Variants in NAV3 observed in about 807,000 individuals in gnomAD.
NAV3 encodes pore membrane and/or filament interacting like protein 1.
In NAV3, 87 loss-of-function variants were observed where a neutral mutation model predicts 244.7. The ratio of observed to expected loss-of-function variants is 0.36; its 90% CI spans 0.30 to 0.42. The LOEUF (loss-of-function observed/expected upper bound fraction) is 0.42, where lower values mean the gene tolerates loss of function less well. Ranked by LOEUF, NAV3 falls within the 20% of genes least tolerant of loss-of-function variation. The probability of loss-of-function intolerance (pLI) is 1.00; values close to 1 mark genes in which losing one functional copy is unlikely to be tolerated. For synonymous variants in NAV3, 1,126 were observed against 1,042.2 expected, an observed-to-expected ratio of 1.08 and a Z score of -1.55; for missense variants, 2,663 against 2,893.3, an observed-to-expected ratio of 0.92 and a Z score of 1.83.
intron 8 of NAV3, among the ~76,000 whole-genome samples, chr12:78,015,955 T>C (rs537084404): frequency 3.9e-5 from 6 of 152,246 alleles, no homozygotes; most frequent in Admixed American, 3.9e-4. Context: ...TTTGTTATAA[T>C]TCATTACTAT....
At position 78,119,287 on chromosome 12, in the gene NAV3, G is replaced by A. The variant is rs1480615824; in HGVS notation, c.3091G>A (p.Gly1031Arg). 1 of 1,614,036 alleles carries A rather than the reference G, an allele frequency of 6.2e-7. No individual in the cohort carries two copies. Among genetic ancestry groups the A allele is most frequent in the African/African-American group, 1.3e-5 (1 of 74,914 alleles). Residue 1031 changes from glycine to arginine, a missense_variant, in exon 15 of 40, where the codon GGA (glycine) becomes AGA (arginine). Gly to Arg is a moderately radical substitution (Grantham distance 125). Coordinates refer to ENST00000397909, the MANE Select transcript of NAV3 (RefSeq NM_001024383.2). ...TGAGAAAGGAAAAGCTCCCCTAAAA[G>A]GATCATCTCTACAAAGATCTCCTTC... Reference protein sequence around the residue: ...ASEKGKAPLKGSSLQRSPSDA... With the variant: ...ASEKGKAPLKRSSLQRSPSDA...
intron 3 of NAV3, among the ~76,000 whole-genome samples, chr12:77,957,934 G>A (rs1891523033): frequency 6.6e-6 from 1 of 152,128 alleles, no homozygotes; most frequent in African/African-American, 2.4e-5. Flanking sequence ...CCTAAGTGCT[G>A]GGATTACAGG....
chr12:77,689,488 T>A (rs553761362), intron 2 of NAV3, among the ~76,000 whole-genome samples: 3 of 152,068 alleles, frequency 2.0e-5, no homozygotes, highest in African/African-American at 7.2e-5. Flanking sequence ...CAGTGGCTTT[T>A]ATGTTGGATG....
Position 78,006,574 on chromosome 12 carries a change from A to G in NAV3, c.1036A>G (p.Thr346Ala). Residue 346 changes from threonine (T) to alanine (A), a missense_variant, in exon 8 of 40, where the codon ACC (threonine) becomes GCC (alanine). Around this residue, in one of 6 missense-constraint regions of NAV3, gnomAD observed 1,521 missense variants for 1,497.0 expected, o/e 1.02. Transcript: ENST00000397909. ...GAATGTCAAACACAGTGCCACCTCC[A>G]CCATGTTGACTGTAAAGCAGTCAAG... is the stretch of plus-strand genomic sequence containing the variant. The part of the protein sequence containing the change: ...SMNVKHSATS[T>A]MLTVKQSSTA... 6.2e-7 allele frequency: 1 copy of G among 1,613,976 alleles called. No homozygotes were observed. Among genetic ancestry groups the G allele is most frequent in the Non-Finnish European group, 8.5e-7 (1 of 1,179,998 alleles).
chr12:77,813,569 A>G (rs1872395703), intron 2 of NAV3, among the ~76,000 whole-genome samples: 1 of 152,158 alleles, frequency 6.6e-6, no homozygotes, highest in African/African-American at 2.4e-5. Context: ...CAGTAGCTAT[A>G]TTTATACTTG....
At chr12:77,639,398 T>C (rs1314435860) in intron 2 of NAV3, among the ~76,000 whole-genome samples, 1 of 152,166 alleles carries the variant, frequency 6.6e-6, no homozygotes, top group Non-Finnish European at 1.5e-5. Context: ...ATTGAGCACA[T>C]TTTATTTTTC....
At chr12:78,053,791 G>T (rs1433171394) in intron 11 of NAV3, among the ~76,000 whole-genome samples, 1 of 152,148 alleles carries the variant, frequency 6.6e-6, no homozygotes, top group Non-Finnish European at 1.5e-5. Flanking sequence ...AGCTGGAAAC[G>T]TCTGAGACTC....
intron 12 of NAV3, among the ~76,000 whole-genome samples, chr12:78,082,000 C>A (rs541169096): frequency 2.6e-5 from 4 of 152,198 alleles, no homozygotes; most frequent in Non-Finnish European, 5.9e-5. Flanking sequence ...TCCCACCTGT[C>A]GTGGGATGGA....
intron 24 of NAV3, among the ~76,000 whole-genome samples, chr12:78,170,022 T>A: frequency 6.6e-6 from 1 of 151,750 alleles, no homozygotes; most frequent in East Asian, 1.9e-4. Context: ...TGCATCCTAT[T>A]TAAAATATAT....
chr12:77,775,228 C>T lies in NAV3; in HGVS notation c.73-165091C>T, dbSNP rs905185602. Among the ~76,000 whole-genome samples, 4 of 151,922 alleles carry T rather than the reference C, an allele frequency of 2.6e-5. No homozygotes were observed. The East Asian group carries it at 5.8e-4, about 22-fold the overall frequency. On this transcript the variant is annotated intron_variant, in intron 2 of 8. Coordinates refer to the NAV3 transcript ENST00000550042. ...CTAACACGGAGAAACCCCGTCTCCA[C>T]TAAAAATAGAAAAATTAGCCAGGCA...
At chr12:77,961,260 C>T (rs1261154039) in intron 3 of NAV3, among the ~76,000 whole-genome samples, 2 of 98,820 alleles carry the variant, frequency 2.0e-5, no homozygotes, top group African/African-American at 3.0e-5. Context: ...AAGTATATGT[C>T]ATATATTACA....
chr12:77,814,796 A>G (rs1311063652), intron 2 of NAV3, among the ~76,000 whole-genome samples: 1 of 152,212 alleles, frequency 6.6e-6, no homozygotes, highest in Non-Finnish European at 1.5e-5. Context: ...CACCTCGTCC[A>G]TGGTTTTAAG....
At chr12:77,723,575 T>C (rs1876737719) in intron 2 of NAV3, among the ~76,000 whole-genome samples, 2 of 151,880 alleles carry the variant, frequency 1.3e-5, no homozygotes, top group African/African-American at 4.8e-5. Flanking sequence ...TGTGAAAGGC[T>C]TGAATCTTCT....
chr12:78,044,993 C>G (rs1318386472), intron 9 of NAV3, among the ~76,000 whole-genome samples: 1 of 152,076 alleles, frequency 6.6e-6, no homozygotes, highest in African/African-American at 2.4e-5. Context: ...ATGGAGGGCA[C>G]CCTTGTGTTG....
chr12:78,202,739 G>T (rs1188849958), intron 38 of NAV3, among the ~76,000 whole-genome samples: 1 of 152,036 alleles, frequency 6.6e-6, no homozygotes, highest in Non-Finnish European at 1.5e-5. Flanking sequence ...CAGCACATGG[G>T]AAGGGAAAAA....
At chr12:77,623,521 A>T (rs1871476216) in intron 2 of NAV3, among the ~76,000 whole-genome samples, 1 of 152,344 alleles carries the variant, frequency 6.6e-6, no homozygotes, top group African/African-American at 2.4e-5. Context: ...CAAATTTTGT[A>T]ACAAAATCAG....
At position 78,179,558 on chromosome 12, in the gene NAV3, A is replaced by G; in HGVS notation, c.5393A>G (p.Glu1798Gly). ...TGTGAATGCACAGAAGCTGAGGCAG[A>G]GATAATTCTGCAGCTGAAGAGCGAG... ...RICECTEAEA[E>G]IILQLKSELR... Residue 1798 changes from glutamate to glycine, a missense_variant, in exon 29 of 40, where the codon GAG becomes GGG. By Grantham distance (98) the Glu-to-Gly change is moderately conservative. This residue lies in a region of NAV3 where 193 missense variants were observed against 200.7 expected (regional missense o/e 0.96). Coordinates refer to ENST00000397909, the MANE Select transcript of NAV3 (RefSeq NM_001024383.2). 6.2e-7 allele frequency: 1 copy of G among 1,613,356 alleles called. No homozygotes were observed. The highest frequency in any genetic ancestry group is 1.1e-5 in the South Asian group (1 of 91,056).
intron 1 of NAV3, among the ~76,000 whole-genome samples, chr12:77,832,196 A>C (rs1052650844): frequency 6.6e-6 from 1 of 152,216 alleles, no homozygotes; most frequent in Non-Finnish European, 1.5e-5. Flanking sequence ...TTGCAGTATG[A>C]AGGAAAATGA....
intron 2 of NAV3, among the ~76,000 whole-genome samples, chr12:77,654,745 C>A (rs1277368952): frequency 6.6e-6 from 1 of 151,870 alleles, no homozygotes; most frequent in Non-Finnish European, 1.5e-5. Flanking sequence ...GCCGGGTACT[C>A]CTCTGAGACA....
Sources: allele counts gnomAD v4.1 joint callset (sites outside exome capture counted in the v4.1 genomes callset), GRCh38; gene constraint gnomAD v4.1.1; regional missense constraint gnomAD v4.1.1; transcripts MANE v1.5; gene names NCBI Gene and HGNC (gene_info 2026-07-23, HGNC 2026-07-21).